FGD4: variants seen among roughly 807,000 people sequenced by gnomAD.
The protein encoded by FGD4 is FYVE, RhoGEF and PH domain containing 4.
In FGD4, 42 loss-of-function variants were observed where a neutral mutation model predicts 102.0. That is an observed-to-expected ratio of 0.41 (90% CI 0.32 to 0.53). The LOEUF is 0.53. FGD4 is among the 20% of genes least tolerant of loss of function. The pLI, the probability that FGD4 is intolerant of heterozygous loss-of-function variation, is 0.21. For missense variants in FGD4, 902 were observed against 1,078.2 expected (o/e 0.84, Z 2.29); for synonymous variants, 380 against 375.7 (o/e 1.01, Z -0.13).
At chr12:32,497,270 C>G (rs1347347722) in intron 1 of FGD4, among the ~76,000 whole-genome samples, 3 of 151,926 alleles carry the variant, frequency 2.0e-5, no homozygotes, top group Non-Finnish European at 4.4e-5. Context: ...CAGAAAAGTT[C>G]AATTTATTAA....
intron 1 of FGD4, among the ~76,000 whole-genome samples, chr12:32,410,244 C>G (rs1477061904): frequency 6.6e-6 from 1 of 151,752 alleles, no homozygotes; most frequent in Non-Finnish European, 1.5e-5. Flanking sequence ...AGGAGAATGG[C>G]GTGAACCTGG....
intron 1 of FGD4, among the ~76,000 whole-genome samples, chr12:32,503,882 A>C (rs986879579): frequency 6.6e-6 from 1 of 152,180 alleles, no homozygotes; most frequent in African/African-American, 2.4e-5. Context: ...ATTATCTTAG[A>C]ATCCAGAAAA....
intron 1 of FGD4, among the ~76,000 whole-genome samples, chr12:32,409,731 C>G (rs752469778): frequency 1.3e-5 from 2 of 152,094 alleles, no homozygotes; most frequent in Non-Finnish European, 2.9e-5. Flanking sequence ...GTTGGTTAAA[C>G]CTTACCAGTA....
At chr12:32,522,557 G>C (rs1432775504) in intron 1 of FGD4, among the ~76,000 whole-genome samples, 5 of 152,206 alleles carry the variant, frequency 3.3e-5, no homozygotes, top group Non-Finnish European at 1.5e-5. Context: ...TCCTTTGTGT[G>C]ACCTGGCAGG....
chr12:32,453,219 TAA>T lies in FGD4; in HGVS notation c.166+53261_166+53262del, dbSNP rs1565749071. Among the ~76,000 whole-genome samples, 317 of 109,806 alleles carry T rather than the reference TAA, an allele frequency of 2.9e-3. 3 individuals carry two copies. Among genetic ancestry groups the T allele is most frequent in the Middle Eastern group, 0.026 (5 of 194 alleles). 72.0% of individuals were successfully genotyped at this position (109,806 alleles called of 152,430 possible). On this transcript the variant is annotated intron_variant, in intron 1 of 16. Coordinates refer to ENST00000534526, the MANE Select transcript of FGD4 (RefSeq NM_001370298.3). ...TATATATTATATATATATATATATA[TAA>T]TATAGATATATATATATTTTTTTTT...
intron 10 of FGD4, among the ~76,000 whole-genome samples, chr12:32,613,098 G>GA (rs1481582753): frequency 6.6e-6 from 1 of 152,158 alleles, no homozygotes; most frequent in Non-Finnish European, 1.5e-5. Flanking sequence ...TTATTAAAGA[G>GA]AAACAGACAC....
chr12:32,437,253 A>G (rs1432999855), intron 1 of FGD4, among the ~76,000 whole-genome samples: 1 of 152,208 alleles, frequency 6.6e-6, no homozygotes, highest in Non-Finnish European at 1.5e-5. Flanking sequence ...GATGACTTCA[A>G]GCTGAAGGTA....
At chr12:32,528,939 C>CT (rs1453027396) in intron 1 of FGD4, among the ~76,000 whole-genome samples, 2 of 152,068 alleles carry the variant, frequency 1.3e-5, no homozygotes, top group Admixed American at 1.3e-4. Context: ...TGATAGAAAA[C>CT]TTTTTTATTA....
At chr12:32,567,703 T>A (rs77866229) in intron 2 of FGD4, among the ~76,000 whole-genome samples, 5 of 150,376 alleles carry the variant, frequency 3.3e-5, no homozygotes, top group African/African-American at 7.3e-5. Context: ...TTTTTTTTTT[T>A]GAGAGAGAGG....
intron 1 of FGD4, among the ~76,000 whole-genome samples, chr12:32,511,534 C>T (rs902365867): frequency 6.6e-5 from 10 of 152,020 alleles, no homozygotes; most frequent in Non-Finnish European, 1.3e-4. Context: ...GATCTCCTGA[C>T]TTCGTGATCC....
At chr12:32,595,876 A>G (rs1479989152) in intron 4 of FGD4, among the ~76,000 whole-genome samples, 1 of 152,170 alleles carries the variant, frequency 6.6e-6, no homozygotes, top group African/African-American at 2.4e-5. Context: ...TGAGGACTTC[A>G]CCTAAAAATA....
At chr12:32,620,520 C>CTTTCTTTCTTTCTTTTTTTT (rs1949747434) in intron 11 of FGD4, among the ~76,000 whole-genome samples, 6 of 91,136 alleles carry the variant, frequency 6.6e-5, no homozygotes, top group South Asian at 4.1e-4. Flanking sequence ...TTTTTTCTTT[C>CTTTCTTTCTTTCTTTTTTTT]TTTTTTTTTT....
chr12:32,611,333 T>C, intron 10 of FGD4, 50 bp downstream of exon 10: 1 of 1,608,148 alleles, frequency 6.2e-7, no homozygotes, highest in Non-Finnish European at 8.5e-7. Flanking sequence ...TATAAAAATA[T>C]GGCTGGGCAC....
At chr12:32,446,289 T>A (rs182707135) in intron 1 of FGD4, among the ~76,000 whole-genome samples, 16 of 152,304 alleles carry the variant, frequency 1.1e-4, no homozygotes, top group African/African-American at 2.6e-4. Flanking sequence ...ACAAGGTTCA[T>A]GGCTGGTGCA....
At chr12:32,567,536 CG>C (rs1408557248) in intron 2 of FGD4, among the ~76,000 whole-genome samples, 10 of 151,942 alleles carry the variant, frequency 6.6e-5, no homozygotes, top group African/African-American at 2.4e-4. Context: ...CTGCAATGCA[CG>C]GGACAGTCCA....
intron 15 of FGD4, among the ~76,000 whole-genome samples, chr12:32,635,566 C>T (rs1186569856): frequency 6.6e-6 from 1 of 152,160 alleles, no homozygotes. Flanking sequence ...GTGATCAACA[C>T]ACTTTCCTGT....
chr12:32,565,601 C>G (rs1945124249), intron 2 of FGD4, among the ~76,000 whole-genome samples: 1 of 152,096 alleles, frequency 6.6e-6, no homozygotes, highest in Admixed American at 6.5e-5. Context: ...ACTTAAAAAG[C>G]CTTTATTTTT....
At chr12:32,590,294 G>C (rs1398016871) in intron 4 of FGD4, among the ~76,000 whole-genome samples, 2 of 133,062 alleles carry the variant, frequency 1.5e-5, no homozygotes, top group Admixed American at 8.1e-5. Flanking sequence ...TGGGGGACAA[G>C]AGTGAGACTT....
intron 1 of FGD4, among the ~76,000 whole-genome samples, chr12:32,464,794 C>T (rs1375861581): frequency 6.6e-6 from 1 of 152,192 alleles, no homozygotes; most frequent in Non-Finnish European, 1.5e-5. Context: ...TGTAATGTGA[C>T]TTACATCCTG....
Sources: allele counts gnomAD v4.1 joint callset (sites outside exome capture counted in the v4.1 genomes callset), GRCh38; gene constraint gnomAD v4.1.1; transcripts MANE v1.5; gene names NCBI Gene and HGNC (gene_info 2026-07-23, HGNC 2026-07-21).